The following CTNNA2 variants were observed in gnomAD, a reference collection of about 807,000 sequenced individuals.
CTNNA2 encodes catenin alpha-2.
In CTNNA2, 42 loss-of-function variants were observed where a neutral mutation model predicts 101.0. That is an observed-to-expected ratio of 0.42 (90% CI 0.32 to 0.54). CTNNA2 has a LOEUF of 0.54. CTNNA2 is among the 20% of genes least tolerant of loss of function. The probability of loss-of-function intolerance (pLI) is 0.14; values close to 1 mark genes in which losing one functional copy is unlikely to be tolerated. For missense variants in CTNNA2, 871 were observed against 1,223.1 expected (o/e 0.71, Z 4.29); for synonymous variants, 450 against 456.4 (o/e 0.99, Z 0.18).
intron 2 of CTNNA2, among the ~76,000 whole-genome samples, chr2:79,272,298 A>G (rs1228573199): frequency 6.6e-6 from 1 of 152,060 alleles, no homozygotes; most frequent in Non-Finnish European, 1.5e-5. Context: ...CTTCCTGAAA[A>G]TTCTTGATGA....
chr2:79,515,895 T>G (rs1240979270), intron 1 of CTNNA2, among the ~76,000 whole-genome samples: 4 of 152,206 alleles, frequency 2.6e-5, no homozygotes, highest in Admixed American at 6.5e-5. Context: ...ATATTCTCTG[T>G]GTCTCCCTCC....
intron 2 of CTNNA2, among the ~76,000 whole-genome samples, chr2:79,706,070 A>G (rs1381873854): frequency 6.6e-6 from 1 of 152,264 alleles, no homozygotes; most frequent in Non-Finnish European, 1.5e-5. Flanking sequence ...CTTACTAAAA[A>G]TTAGCATGTG....
intron 9 of CTNNA2, among the ~76,000 whole-genome samples, chr2:80,425,027 A>C (rs1200910060): frequency 6.6e-6 from 1 of 152,158 alleles, no homozygotes; most frequent in Non-Finnish European, 1.5e-5. Flanking sequence ...CTCAGCAGCG[A>C]CCTTCTTTCT....
Position 80,424,865 on chromosome 2 carries a change from T to C in CTNNA2, c.1290+5264T>C, listed in dbSNP as rs1348420852. On this transcript the variant is annotated intron_variant, in intron 9 of 18. Coordinates refer to ENST00000402739, the MANE Select transcript of CTNNA2 (RefSeq NM_001282597.3). ...ACTGTCAAACGCCTTGGGGAAAAACTGGGGATGAAGCTCCAAGCTCGCTTC... is the reference window on the plus strand; with the variant it reads ...ACTGTCAAACGCCTTGGGGAAAAACCGGGGATGAAGCTCCAAGCTCGCTTC... 3.3e-5 allele frequency among the ~76,000 whole-genome samples: 5 copies of C among 152,324 alleles called. No individual in the cohort carries two copies. The South Asian group carries it at 1.0e-3, about 32-fold the overall frequency.
In CTNNA2 at chr2:79,777,327, ATGTGTGTGTGTG is replaced by A. The variant is rs67347678; in HGVS notation, c.298+32783_298+32794del. ...TCTTAGCCCATACCAAACACTTGTT[ATGTGTGTGTGTG>A]TGTGTGTGTGTGTGTGTGTGTGTGT... On this transcript the variant is annotated intron_variant, in intron 3 of 18. Transcript: ENST00000402739. 7.2e-3 allele frequency among the ~76,000 whole-genome samples: 1,001 copies of A among 139,664 alleles called. 8 individuals are homozygous for A. Among genetic ancestry groups the A allele is most frequent in the African/African-American group, 0.018 (686 of 38,986 alleles). 91.6% of individuals were successfully genotyped at this position (139,664 alleles called of 152,430 possible). A position where few individuals can be genotyped will look rare whatever the true frequency, so the allele number is the denominator to read the frequency against.
chr2:79,512,592 C>G (rs1005301354), upstream of CTNNA2, among the ~76,000 whole-genome samples: 9 of 151,722 alleles, frequency 5.9e-5, no homozygotes, highest in African/African-American at 2.2e-4. Flanking sequence ...TGCCCGCTCC[C>G]GCACCCGGTC....
At chr2:79,843,068 A>G (rs1241827937) in intron 3 of CTNNA2, among the ~76,000 whole-genome samples, 1 of 152,216 alleles carries the variant, frequency 6.6e-6, no homozygotes, top group Non-Finnish European at 1.5e-5. Context: ...AGGAATCTCA[A>G]TTGTAATTTA....
intron 4 of CTNNA2, among the ~76,000 whole-genome samples, chr2:79,478,486 G>A (rs1394160978): frequency 6.6e-6 from 1 of 152,148 alleles, no homozygotes; most frequent in Non-Finnish European, 1.5e-5. Flanking sequence ...GATAGAAGGA[G>A]ACTGCCCACT....
chr2:79,588,514 T>G (rs1043533457), intron 1 of CTNNA2, among the ~76,000 whole-genome samples: 1 of 152,196 alleles, frequency 6.6e-6, no homozygotes, highest in Admixed American at 6.5e-5. Context: ...CTCAAATTTC[T>G]TATAACTAAA....
intron 7 of CTNNA2, among the ~76,000 whole-genome samples, chr2:80,054,117 C>A (rs977395783): frequency 6.6e-6 from 1 of 152,186 alleles, no homozygotes; most frequent in Non-Finnish European, 1.5e-5. Flanking sequence ...TCACTCTTTA[C>A]GTTGTATGCC....
intron 7 of CTNNA2, among the ~76,000 whole-genome samples, chr2:80,176,893 G>A (rs1364855778): frequency 6.6e-6 from 1 of 152,166 alleles, no homozygotes; most frequent in Non-Finnish European, 1.5e-5. Context: ...AATCGTTGTT[G>A]TGTCTTCTGG....
intron 7 of CTNNA2, among the ~76,000 whole-genome samples, chr2:79,984,570 A>G (rs889497884): frequency 2.0e-5 from 3 of 152,186 alleles, no homozygotes; most frequent in Non-Finnish European, 4.4e-5. Flanking sequence ...CTTTGCCAAA[A>G]TGTACTTTAG....
At chr2:79,821,325 C>T (rs756984706) in intron 3 of CTNNA2, among the ~76,000 whole-genome samples, 1 of 152,142 alleles carries the variant, frequency 6.6e-6, no homozygotes, top group African/African-American at 2.4e-5. Context: ...CCTCTTGTCT[C>T]AGCCTCCCAA....
At chr2:80,252,782 A>G (rs898730600) in intron 7 of CTNNA2, among the ~76,000 whole-genome samples, 3 of 152,140 alleles carry the variant, frequency 2.0e-5, no homozygotes, top group African/African-American at 7.2e-5. Context: ...CAAGCTCACG[A>G]GGTTACAAGA....
chr2:79,694,698 T>C (rs1684539548), intron 2 of CTNNA2, among the ~76,000 whole-genome samples: 1 of 151,950 alleles, frequency 6.6e-6, no homozygotes, highest in Non-Finnish European at 1.5e-5. Flanking sequence ...GGAAAGACTC[T>C]CTGTTTTTCT....
At chr2:80,463,928 T>C (rs570824465) in intron 9 of CTNNA2, among the ~76,000 whole-genome samples, 1 of 152,308 alleles carries the variant, frequency 6.6e-6, no homozygotes, top group East Asian at 1.9e-4. Context: ...GACTTGTAGC[T>C]CATGGACTGA....
intron 9 of CTNNA2, among the ~76,000 whole-genome samples, chr2:80,498,789 T>C (rs1687657702): frequency 1.3e-5 from 2 of 152,212 alleles, no homozygotes; most frequent in Non-Finnish European, 2.9e-5. Flanking sequence ...CCCTGATATA[T>C]TTGGGGGTGC....
chr2:79,342,546 T>A (rs1677160785), intron 3 of CTNNA2, among the ~76,000 whole-genome samples: 2 of 152,204 alleles, frequency 1.3e-5, no homozygotes, highest in African/African-American at 4.8e-5. Context: ...ATGCAAATAA[T>A]CCTGGAAGAG....
chr2:80,096,843 C>A (rs574650728), intron 7 of CTNNA2, among the ~76,000 whole-genome samples: 13 of 151,720 alleles, frequency 8.6e-5, no homozygotes, highest in African/African-American at 2.9e-4. Context: ...GCCTTTTTTT[C>A]TTTTCCATTT....
Sources: gnomAD v4.1 joint callset for allele counts (sites outside exome capture counted in the v4.1 genomes callset) on GRCh38, gnomAD v4.1.1 for gene constraint, MANE v1.5 for transcripts, NCBI Gene and HGNC (gene_info 2026-07-23, HGNC 2026-07-21) for gene names.